U2AF2: variants seen among roughly 807,000 people sequenced by gnomAD.
U2AF2 encodes the protein splicing factor U2AF 65 kDa subunit.
Under a neutral mutation model 52.6 loss-of-function variants are expected in U2AF2, and 6 were observed. That is an observed-to-expected ratio of 0.11 (90% CI 0.06 to 0.23). The LOEUF (loss-of-function observed/expected upper bound fraction) is 0.23. Ranked by LOEUF, U2AF2 falls within the 10% of genes least tolerant of loss-of-function variation. The probability of loss-of-function intolerance (pLI) is 1.00; values close to 1 mark genes in which losing one functional copy is unlikely to be tolerated. For missense variants in U2AF2, 222 were observed against 677.1 expected (o/e 0.33, Z 7.46); for synonymous variants, 284 against 258.2 (o/e 1.10, Z -0.96).
At chr19:55,660,424 A>C (rs1984101515) in intron 3 of U2AF2, 92 bp from the exon 4 acceptor site, 4 of 1,125,322 alleles carry the variant, frequency 3.6e-6, no homozygotes, top group Non-Finnish European at 3.9e-6. Context: ...GGTTGCGGGG[A>C]GGGTGAAAGG....
At position 55,660,246 on chromosome 19, in the gene U2AF2, C is replaced by T. The variant is rs118131624; in HGVS notation, c.230+25C>T. On this transcript the variant is annotated intron_variant, in intron 3 of 11. Coordinates refer to ENST00000308924, the MANE Select transcript of U2AF2 (RefSeq NM_007279.3). ...TGTGAGCTTCTCTTCCTGCCCCTTC[C>T]TCCCTGATGTCCACTCCCTTCACCT... 2,161 of 1,610,354 alleles carry T rather than the reference C, an allele frequency of 1.3e-3. 18 individuals carry two copies. The highest frequency in any genetic ancestry group is 0.01 in the East Asian group (452 of 44,788).
chr19:55,669,026 C>T, intron 9 of U2AF2, 57 bp from the exon 10 acceptor site: 2 of 1,581,752 alleles, frequency 1.3e-6, no homozygotes, highest in Non-Finnish European at 1.7e-6. Flanking sequence ...TGTCGGGCTC[C>T]TGGTCCCTGA....
intron 7 of U2AF2, 133 bp downstream of exon 7, chr19:55,663,877 T>A: frequency 7.3e-7 from 1 of 1,377,424 alleles, no homozygotes; most frequent in Non-Finnish European, 9.8e-7. Flanking sequence ...TTTTCCCTGC[T>A]TCCCCTAAGT....
Position 55,668,873 on chromosome 19 carries a change from A to G in U2AF2, c.945+81A>G. 1 of 1,557,174 alleles carries G rather than the reference A, an allele frequency of 6.4e-7. No homozygotes were observed. The highest frequency in any genetic ancestry group is 8.7e-7 in the Non-Finnish European group (1 of 1,149,096). ...TGCCAAGCCATGGTCTCCCCTCCTC[A>G]GGGGACGGGGCGGGAGGCGGCCAAC... On this transcript the variant is annotated intron_variant, in intron 9 of 11. Coordinates refer to ENST00000308924, the MANE Select transcript of U2AF2 (RefSeq NM_007279.3). This position sits in a 1 kb window ranked among gnomAD's most constrained non-coding sequence, Gnocchi z 5.5.
chr19:55,661,461 G>A (rs1197035405), intron 5 of U2AF2: 6 of 403,126 alleles, frequency 1.5e-5, no homozygotes, highest in Non-Finnish European at 2.2e-5. Context: ...CCCACGTGTT[G>A]TACCTACGTG....
chr19:55,662,642 T>G (rs1275313599), intron 6 of U2AF2, 24 bp downstream of exon 6: 1 of 1,599,194 alleles, frequency 6.3e-7, no homozygotes, highest in Non-Finnish European at 8.6e-7. Flanking sequence ...GTGAGTGAGG[T>G]CCAGGAAACG....
At chr19:55,673,319 C>T (rs531527077) in intron 11 of U2AF2, among the ~76,000 whole-genome samples, 2 of 90,732 alleles carry the variant, frequency 2.2e-5, no homozygotes, top group African/African-American at 5.5e-5. Context: ...TACCTCACTC[C>T]CTCTTTTTTT....
rs565914464 is a variant in U2AF2, at chr19:55,672,893, T to G, written c.1294-1041T>G. On this transcript the variant is annotated intron_variant, in intron 11 of 11. Coordinates refer to ENST00000308924, the MANE Select transcript of U2AF2 (RefSeq NM_007279.3). ...CTCCTGACTTTGTGAGCCGCCCGTC[T>G]TGGCCTCCCAAAGTACTGGGATTAC... Among the ~76,000 whole-genome samples, 69 of 152,242 alleles carry G rather than the reference T, an allele frequency of 4.5e-4. No individual in the cohort carries two copies. In the East Asian group the frequency reaches 0.013, roughly 28 times the overall value.
At chr19:55,672,769 C>G (rs1985001803) in intron 11 of U2AF2, among the ~76,000 whole-genome samples, 1 of 150,938 alleles carries the variant, frequency 6.6e-6, no homozygotes, top group African/African-American at 2.4e-5. Context: ...CGCTGTTGCC[C>G]AGGCTGGAGT....
chr19:55,667,155 C>T (rs1246105269), intron 7 of U2AF2, among the ~76,000 whole-genome samples: 1 of 152,118 alleles, frequency 6.6e-6, no homozygotes, highest in Non-Finnish European at 1.5e-5. Flanking sequence ...TCTGTGGGGG[C>T]AGCGTCATCA....
At chr19:55,669,825 C>A in intron 11 of U2AF2, 133 bp downstream of exon 11, 1 of 1,350,616 alleles carries the variant, frequency 7.4e-7, no homozygotes. Context: ...TCTCTCTCTC[C>A]TCTCGCAGCG....
chr19:55,669,969 C>T (rs2122123359), intron 11 of U2AF2, among the ~76,000 whole-genome samples: 1 of 152,296 alleles, frequency 6.6e-6, no homozygotes, highest in Middle Eastern at 3.4e-3. Flanking sequence ...GGGAATGTAG[C>T]TCTGTATCGC....
intron 11 of U2AF2, among the ~76,000 whole-genome samples, chr19:55,670,152 A>C (rs1984801564): frequency 6.6e-6 from 1 of 151,796 alleles, no homozygotes; most frequent in Non-Finnish European, 1.5e-5. Flanking sequence ...CCCTCCCCGT[A>C]GCCCCTGAGC....
chr19:55,668,951 T>A lies in U2AF2; in HGVS notation c.946-132T>A. 6.8e-7 allele frequency: 1 copy of A among 1,479,840 alleles called. No homozygotes were observed. 91.7% of individuals were successfully genotyped at this position (1,479,840 alleles called of 1,614,324 possible). A position where few individuals can be genotyped will look rare whatever the true frequency, so the allele number is the denominator to read the frequency against. Reference sequence around the variant, plus strand: ...GTCCCTGTCCCATGGCGTTGGCTTTTTCCAGGCTCTTAATCCCCTTTGCCT... The same window carrying A: ...GTCCCTGTCCCATGGCGTTGGCTTTATCCAGGCTCTTAATCCCCTTTGCCT... On this transcript the variant is annotated intron_variant, in intron 9 of 11. Coordinates refer to ENST00000308924, the MANE Select transcript of U2AF2 (RefSeq NM_007279.3). The surrounding 1 kb of genome is among the most constrained non-coding windows in gnomAD (Gnocchi z 5.5).
Position 55,660,627 on chromosome 19 carries a change from C to G in U2AF2, c.334+8C>G. 6.2e-7 allele frequency: 1 copy of G among 1,611,924 alleles called. No individual in the cohort carries two copies. The highest frequency in any genetic ancestry group is 8.5e-7 in the Non-Finnish European group (1 of 1,178,850). ...AGTACAAGGCCATGCAAGGTAGGCC[C>G]CTGGCCAGGCTGCTCCCAGAGCGGG... On this transcript the variant is annotated splice_region_variant and intron_variant, in intron 4 of 11. Coordinates refer to ENST00000308924, the MANE Select transcript of U2AF2 (RefSeq NM_007279.3).
intron 1 of U2AF2, among the ~76,000 whole-genome samples, chr19:55,655,829 C>CT (rs1294363928): frequency 6.6e-6 from 1 of 152,238 alleles, no homozygotes; most frequent in African/African-American, 2.4e-5. Context: ...CATCTGCATT[C>CT]TTTGAGTGTC....
chr19:55,673,380 G>A (rs1035127443), intron 11 of U2AF2, among the ~76,000 whole-genome samples: 3 of 150,276 alleles, frequency 2.0e-5, no homozygotes, highest in African/African-American at 7.3e-5. Flanking sequence ...CTGCTATATA[G>A]AATTTTCAGT....
At chr19:55,665,586 A>G (rs1984498683) in intron 7 of U2AF2, among the ~76,000 whole-genome samples, 1 of 152,118 alleles carries the variant, frequency 6.6e-6, no homozygotes, top group Non-Finnish European at 1.5e-5. Context: ...CGGCAGTTCT[A>G]CGACACAGGG....
chr19:55,660,511 C>T lies in U2AF2; in HGVS notation c.231-5C>T, dbSNP rs1276862962. 2 of 1,525,986 alleles carry T rather than the reference C, an allele frequency of 1.3e-6. No individual in the cohort carries two copies. Among genetic ancestry groups the T allele is most frequent in the East Asian group, 2.3e-5 (1 of 44,420 alleles). 94.5% of individuals were successfully genotyped at this position (1,525,986 alleles called of 1,614,324 possible). On this transcript the variant is annotated splice_polypyrimidine_tract_variant and splice_region_variant and intron_variant, in intron 3 of 11. Transcript: ENST00000308924. ...TGCCCCGCTCTCCCCTCCCACCTCC[C>T]CCAGTCGTTCCCCCCGCCACGAGAA...
Sources: allele counts gnomAD v4.1 joint callset (sites outside exome capture counted in the v4.1 genomes callset), GRCh38; gene constraint gnomAD v4.1.1; non-coding constraint Gnocchi (gnomAD v3.1); transcripts MANE v1.5; gene names NCBI Gene and HGNC (gene_info 2026-07-23, HGNC 2026-07-21).